Variants in PCGF5 observed in about 807,000 individuals in gnomAD.
PCGF5 encodes polycomb group ring finger 5.
PCGF5 carries 9 observed loss-of-function variants against 44.3 expected under a neutral mutation model. That is an observed-to-expected ratio of 0.20 (90% CI 0.12 to 0.35). The LOEUF (loss-of-function observed/expected upper bound fraction) is 0.35, where lower values mean the gene tolerates loss of function less well. Among genes scored for constraint, PCGF5 ranks in the 10% least tolerant of loss-of-function variants. The pLI, the probability that PCGF5 is intolerant of heterozygous loss-of-function variation, is 1.00. For missense variants in PCGF5, 146 were observed against 305.3 expected (o/e 0.48, Z 3.89); for synonymous variants, 95 against 102.5 (o/e 0.93, Z 0.44).
At chr10:91,168,017 C>T (rs909212696) in intron 1 of PCGF5, among the ~76,000 whole-genome samples, 4 of 152,166 alleles carry the variant, frequency 2.6e-5, no homozygotes, top group African/African-American at 9.7e-5. Context: ...TAGTAAAGCA[C>T]CTGCAAGTAG....
At chr10:91,172,155 T>A (rs1405274463) in intron 1 of PCGF5, among the ~76,000 whole-genome samples, 1 of 151,594 alleles carries the variant, frequency 6.6e-6, no homozygotes, top group East Asian at 2.0e-4. Context: ...CCAGGCGCGG[T>A]GGCTCATGCC....
At position 91,281,578 on chromosome 10, in the gene PCGF5, A is replaced by C. The variant is rs965333873; in HGVS notation, c.*3262A>C. ...AAGTTAATTTTTTTGGAAGATTTTC[A>C]TAAGAATATAGATATCACCAAAGAC... On this transcript the variant is annotated 3_prime_UTR_variant, in exon 10 of 10. Transcript: ENST00000336126. 1 of 152,620 alleles carries C rather than the reference A, an allele frequency of 6.6e-6. No individual in the cohort carries two copies. The highest frequency in any genetic ancestry group is 1.5e-5 in the Non-Finnish European group (1 of 68,012). 9.5% of individuals were successfully genotyped at this position (152,620 alleles called of 1,614,324 possible).
rs76134049 is a variant in PCGF5 at position 91,196,028 on chromosome 10, G to T, written c.-183-26661G>T. Among the ~76,000 whole-genome samples, 54 of 150,996 alleles carry T rather than the reference G, an allele frequency of 3.6e-4. 1 individual carries two copies. The highest frequency in any genetic ancestry group is 1.3e-3 in the African/African-American group (54 of 41,054). ...TTGGGGTGGGTGGTATTCATTATTT[G>T]TCCACTTTCTCGCATCCCCTACTGG... is the stretch of plus-strand genomic sequence containing the variant. On this transcript the variant is annotated intron_variant, in intron 1 of 9. Coordinates refer to the PCGF5 transcript ENST00000614189.
At chr10:91,185,438 G>A (rs1444175656) in intron 1 of PCGF5, among the ~76,000 whole-genome samples, 1 of 152,222 alleles carries the variant, frequency 6.6e-6, no homozygotes, top group African/African-American at 2.4e-5. Context: ...CAACACTGTT[G>A]TCCGTGCCTG....
chr10:91,214,754 A>G (rs1844511909), intron 1 of PCGF5, among the ~76,000 whole-genome samples: 1 of 152,234 alleles, frequency 6.6e-6, no homozygotes, highest in African/African-American at 2.4e-5. Context: ...GGAGAAAGTT[A>G]ATGATGATTG....
chr10:91,198,440 A>T (rs1167121623), intron 1 of PCGF5, among the ~76,000 whole-genome samples: 4 of 152,170 alleles, frequency 2.6e-5, no homozygotes, highest in African/African-American at 9.7e-5. Flanking sequence ...CTTCTCACTA[A>T]TGCCTTTGCT....
At chr10:91,185,327 T>A (rs900906330) in intron 1 of PCGF5, among the ~76,000 whole-genome samples, 1 of 152,102 alleles carries the variant, frequency 6.6e-6, no homozygotes, top group Non-Finnish European at 1.5e-5. Flanking sequence ...TGCTGGGGGA[T>A]CCCTTCTGCC....
At chr10:91,263,407 C>A (rs1444299099) in intron 7 of PCGF5, among the ~76,000 whole-genome samples, 1 of 152,046 alleles carries the variant, frequency 6.6e-6, no homozygotes, top group Non-Finnish European at 1.5e-5. Context: ...CATAAATCAT[C>A]AAAAAATCAA....
rs1338504531 is a variant in PCGF5, at chr10:91,281,503, TATCTG to T, written c.*3188_*3192del. The T allele has an allele frequency of 6.6e-6, 1 of 152,620 alleles. No individual in the cohort carries two copies. The highest frequency in any genetic ancestry group is 1.5e-5 in the Non-Finnish European group (1 of 67,982). 9.5% of individuals were successfully genotyped at this position (152,620 alleles called of 1,614,324 possible). A position where few individuals can be genotyped will look rare whatever the true frequency, so the allele number is the denominator to read the frequency against. On this transcript the variant is annotated 3_prime_UTR_variant, in exon 10 of 10. Coordinates refer to ENST00000336126, the MANE Select transcript of PCGF5 (RefSeq NM_032373.5). ...TAAATTTACTGCATAAAGTTTGAGT[TATCTG>T]TACCTGTCTCTTATGAATGGTTTCA...
chr10:91,162,581 A>G (rs1406581399), upstream of PCGF5, among the ~76,000 whole-genome samples: 2 of 151,930 alleles, frequency 1.3e-5, no homozygotes, highest in African/African-American at 2.4e-5. Flanking sequence ...TCGGGCCACT[A>G]CAGGTGGGAG....
At chr10:91,208,576 C>G (rs1449898033) in intron 1 of PCGF5, among the ~76,000 whole-genome samples, 2 of 152,148 alleles carry the variant, frequency 1.3e-5, no homozygotes, top group African/African-American at 2.4e-5. Flanking sequence ...ACACATTGCT[C>G]TCCCTGTATT....
intron 1 of PCGF5, among the ~76,000 whole-genome samples, chr10:91,190,062 T>C (rs1449975952): frequency 6.6e-6 from 1 of 152,206 alleles, no homozygotes; most frequent in East Asian, 1.9e-4. Context: ...ACAATAGAAA[T>C]TTATTTCTCA....
chr10:91,242,910 A>G (rs779990917), intron 3 of PCGF5, among the ~76,000 whole-genome samples: 13 of 152,314 alleles, frequency 8.5e-5, no homozygotes, highest in Middle Eastern at 3.4e-3. Context: ...CAGTTTTCTT[A>G]ATTTAATGAT....
intron 1 of PCGF5, among the ~76,000 whole-genome samples, chr10:91,163,406 C>G (rs893289776): frequency 8.5e-5 from 13 of 152,054 alleles, no homozygotes; most frequent in African/African-American, 2.9e-4. Context: ...GCCGCGGCCC[C>G]GCCGCGGGAG....
chr10:91,205,463 A>G (rs1270022825), intron 1 of PCGF5, among the ~76,000 whole-genome samples: 1 of 152,240 alleles, frequency 6.6e-6, no homozygotes, highest in Admixed American at 6.5e-5. Flanking sequence ...GCGTTCATTC[A>G]TAAACTGAGC....
At chr10:91,226,289 T>TA (rs66465569) in intron 2 of PCGF5, among the ~76,000 whole-genome samples, 51,107 of 74,910 alleles carry the variant, frequency 0.68, 18,095 homozygotes, top group East Asian at 0.88. Context: ...TTAAGAAATG[T>TA]AAAAAAAAAA....
chr10:91,206,422 T>C (rs1215438749), intron 1 of PCGF5, among the ~76,000 whole-genome samples: 2 of 152,114 alleles, frequency 1.3e-5, no homozygotes, highest in Admixed American at 6.5e-5. Context: ...CTGATGCCTT[T>C]GAATGAGGAT....
chr10:91,230,578 T>A (rs772191727), intron 2 of PCGF5, among the ~76,000 whole-genome samples: 1 of 152,152 alleles, frequency 6.6e-6, no homozygotes, highest in African/African-American at 2.4e-5. Flanking sequence ...TAGCAAATGA[T>A]CAATGTTATA....
intron 8 of PCGF5, among the ~76,000 whole-genome samples, chr10:91,271,105 T>TATATATATAATCTA (rs1554852228): frequency 5.4e-5 from 8 of 149,438 alleles, no homozygotes; most frequent in African/African-American, 1.7e-4. Flanking sequence ...TCTAATGCTA[T>TATATATATAATCTA]ATATATATAT....
Sources: gnomAD v4.1 joint callset for allele counts (sites outside exome capture counted in the v4.1 genomes callset) on GRCh38, gnomAD v4.1.1 for gene constraint, MANE v1.5 for transcripts, NCBI Gene and HGNC (gene_info 2026-07-23, HGNC 2026-07-21) for gene names.